Variants in RALYL observed in about 807,000 individuals in gnomAD.
RALYL encodes the protein RALY RNA binding protein like.
RALYL carries 29 observed loss-of-function variants against 35.1 expected under a neutral mutation model. The ratio of observed to expected loss-of-function variants is 0.83; its 90% CI spans 0.61 to 1.13. The LOEUF is 1.13. Among genes scored for constraint, RALYL ranks in the 50% most tolerant of loss-of-function variants. The pLI is 0.00. For synonymous variants in RALYL, 120 were observed against 127.6 expected (o/e 0.94, Z 0.40); for missense variants, 359 against 360.4 (o/e 1.00, Z 0.03).
chr8:84,591,975 G>C lies in RALYL; in HGVS notation c.256+62398G>C, dbSNP rs1047478415. On this transcript the variant is annotated intron_variant, in intron 2 of 8. Transcript: ENST00000521268. ...TCTTCACCATAGCTCTTTTCTTTTT[G>C]TTGTTCAATGTGAATTTTGTACTAT... 2.6e-5 allele frequency among the ~76,000 whole-genome samples: 4 copies of C among 151,824 alleles called. No individual in the cohort carries two copies. In the East Asian group the frequency reaches 7.7e-4, roughly 29 times the overall value.
At chr8:84,458,745 A>C (rs1023343413) in intron 1 of RALYL, among the ~76,000 whole-genome samples, 3 of 151,824 alleles carry the variant, frequency 2.0e-5, no homozygotes, top group African/African-American at 4.8e-5. Context: ...TATCACATAA[A>C]AAGTAGTTTA....
At chr8:84,455,928 T>C (rs1446903529) in intron 1 of RALYL, among the ~76,000 whole-genome samples, 1 of 152,170 alleles carries the variant, frequency 6.6e-6, no homozygotes, top group African/African-American at 2.4e-5. Flanking sequence ...TTCCACTCTA[T>C]CTTCAGCCAT....
At chr8:84,845,991 G>C (rs78273008) in intron 4 of RALYL, among the ~76,000 whole-genome samples, 6,710 of 152,072 alleles carry the variant, frequency 0.044, 465 homozygotes, top group African/African-American at 0.15. Flanking sequence ...TGTTCCATTG[G>C]TCTATTGTCT....
intron 2 of RALYL, among the ~76,000 whole-genome samples, chr8:84,544,663 A>T (rs2060236937): frequency 6.6e-6 from 1 of 152,078 alleles, no homozygotes; most frequent in Non-Finnish European, 1.5e-5. Context: ...ACTGAGATAG[A>T]TTCCAAGAAA....
chr8:84,681,167 G>T (rs1006058190), intron 2 of RALYL, among the ~76,000 whole-genome samples: 12 of 152,102 alleles, frequency 7.9e-5, no homozygotes, highest in African/African-American at 2.9e-4. Flanking sequence ...TTGTAGATAT[G>T]TGGCATTATT....
At chr8:84,431,317 A>G (rs16912822) in intron 1 of RALYL, among the ~76,000 whole-genome samples, 8,810 of 152,212 alleles carry the variant, frequency 0.058, 290 homozygotes, top group East Asian at 0.13. Context: ...TGGCCAATAT[A>G]CTATACTATC....
chr8:84,688,509 G>T (rs1164241440), intron 2 of RALYL, among the ~76,000 whole-genome samples: 1 of 151,890 alleles, frequency 6.6e-6, no homozygotes, highest in Non-Finnish European at 1.5e-5. Flanking sequence ...TGGGAAAACT[G>T]GACATCTTAA....
At position 84,417,379 on chromosome 8, in the gene RALYL, C is replaced by T. The variant is rs561815790; in HGVS notation, c.-23-111920C>T. 1.6e-3 allele frequency among the ~76,000 whole-genome samples: 246 copies of T among 152,170 alleles called. 2 individuals carry two copies. The highest frequency in any genetic ancestry group is 5.4e-3 in the African/African-American group (226 of 41,524). On this transcript the variant is annotated intron_variant, in intron 1 of 8. Transcript: ENST00000521268. Reference sequence around the variant, plus strand: ...AAATTAGAAAGTCTGAATCAGAATCCTCAGTATTTGGCAGAGGGAAAGAAG... The same window carrying T: ...AAATTAGAAAGTCTGAATCAGAATCTTCAGTATTTGGCAGAGGGAAAGAAG...
chr8:84,332,774 A>T (rs967217758), intron 1 of RALYL, among the ~76,000 whole-genome samples: 3 of 152,164 alleles, frequency 2.0e-5, no homozygotes, highest in African/African-American at 7.2e-5. Context: ...GTATGCCCAG[A>T]TAGTGGCAGC....
chr8:84,380,361 T>A lies in RALYL; in HGVS notation c.-23-148938T>A, dbSNP rs12675918. 2.6e-5 allele frequency among the ~76,000 whole-genome samples: 4 copies of A among 152,002 alleles called. No homozygotes were observed. In the East Asian group the frequency reaches 7.8e-4, roughly 30 times the overall value. On this transcript the variant is annotated intron_variant, in intron 1 of 8. Transcript: ENST00000521268. ...AAGCCAACCAATGTATTTTCTTTCTTGGAAATTTCTGGTCCCTAGTTGTCT... is the reference window on the plus strand; with the variant it reads ...AAGCCAACCAATGTATTTTCTTTCTAGGAAATTTCTGGTCCCTAGTTGTCT...
intron 1 of RALYL, among the ~76,000 whole-genome samples, chr8:84,526,442 C>A (rs1380367914): frequency 6.6e-6 from 1 of 152,086 alleles, no homozygotes; most frequent in Non-Finnish European, 1.5e-5. Flanking sequence ...TTTAATTCTC[C>A]AGGTAGTCAA....
intron 1 of RALYL, among the ~76,000 whole-genome samples, chr8:84,193,242 G>A (rs1814424800): frequency 6.6e-6 from 1 of 152,094 alleles, no homozygotes; most frequent in African/African-American, 2.4e-5. Context: ...TATTTTTAAA[G>A]CCACAGTAAG....
intron 2 of RALYL, among the ~76,000 whole-genome samples, chr8:84,621,591 C>T (rs1015669415): frequency 6.6e-6 from 1 of 152,202 alleles, no homozygotes; most frequent in Non-Finnish European, 1.5e-5. Context: ...TAGACCGGAG[C>T]TGTTCCTATT....
chr8:84,894,335 G>A (rs1844379021), intron 8 of RALYL, among the ~76,000 whole-genome samples: 1 of 152,164 alleles, frequency 6.6e-6, no homozygotes, highest in South Asian at 2.1e-4. Flanking sequence ...CACAAAGGTA[G>A]TGCCAACTGA....
intron 2 of RALYL, among the ~76,000 whole-genome samples, chr8:84,654,052 A>G (rs936682088): frequency 6.8e-6 from 1 of 147,520 alleles, no homozygotes; most frequent in Non-Finnish European, 1.5e-5. Flanking sequence ...ATTTTTGTGG[A>G]TACGTAGTAT....
At chr8:84,642,663 T>C (rs1212249885) in intron 2 of RALYL, among the ~76,000 whole-genome samples, 3 of 152,064 alleles carry the variant, frequency 2.0e-5, no homozygotes. Context: ...TTAAAGAGGA[T>C]GACAAACTCG....
intron 2 of RALYL, among the ~76,000 whole-genome samples, chr8:84,623,942 T>C (rs922753302): frequency 4.6e-5 from 7 of 152,188 alleles, no homozygotes; most frequent in African/African-American, 1.7e-4. Flanking sequence ...GTAGGTCTGA[T>C]AGTGGGAGAT....
rs921200567 is a variant in RALYL at position 84,518,379 on chromosome 8, T to C, written c.-23-10920T>C. On this transcript the variant is annotated intron_variant, in intron 1 of 8. Transcript: ENST00000521268. ...GGAAACTCACTCATGGATATCATGA[T>C]AGACTATTGCATCAATAGGAATAAG... 9.2e-5 allele frequency among the ~76,000 whole-genome samples: 14 copies of C among 152,180 alleles called. No homozygotes were observed. In the East Asian group the frequency reaches 2.7e-3, roughly 29 times the overall value.
At chr8:84,701,930 C>T (rs1048875026) in intron 2 of RALYL, among the ~76,000 whole-genome samples, 7 of 151,794 alleles carry the variant, frequency 4.6e-5, no homozygotes, top group African/African-American at 1.7e-4. Context: ...GTTGAACTGT[C>T]TCTGGAGAAA....
Sources: gnomAD v4.1 joint callset for allele counts (sites outside exome capture counted in the v4.1 genomes callset) on GRCh38, gnomAD v4.1.1 for gene constraint, MANE v1.5 for transcripts, NCBI Gene and HGNC (gene_info 2026-07-23, HGNC 2026-07-21) for gene names.